ACSL3: variants seen among roughly 807,000 people sequenced by gnomAD.
ACSL3 encodes the protein acyl-CoA synthetase long chain family member 3.
ACSL3 carries 34 observed loss-of-function variants against 84.7 expected under a neutral mutation model. The ratio of observed to expected loss-of-function variants is 0.40; its 90% CI spans 0.31 to 0.53. The LOEUF (loss-of-function observed/expected upper bound fraction) is 0.53. Ranked by LOEUF, ACSL3 falls within the 20% of genes least tolerant of loss-of-function variation. The pLI is 0.48. For synonymous variants in ACSL3, 315 were observed against 299.4 expected (o/e 1.05, Z -0.54); for missense variants, 680 against 873.1 (o/e 0.78, Z 2.79).
chr2:222,909,198 T>C lies in ACSL3; in HGVS notation c.378+48T>C, dbSNP rs961120344. 1.9e-6 allele frequency: 3 copies of C among 1,548,354 alleles called. No individual in the cohort carries two copies. In the African/African-American group the frequency reaches 4.2e-5, roughly 22 times the overall value. ...TTGAATTCTTTCGAATAAAATATCC[T>C]GTTAGAAATGAAGTAAAGGGCAAGC... On this transcript the variant is annotated intron_variant, in intron 4 of 16. Coordinates refer to ENST00000357430, the MANE Select transcript of ACSL3 (RefSeq NM_004457.5).
At chr2:222,904,556 T>G (rs561373060) in intron 3 of ACSL3, 2 of 152,720 alleles carry the variant, frequency 1.3e-5, no homozygotes, top group East Asian at 3.9e-4. Context: ...CTGTTAAGGC[T>G]CTTGCTACAA....
chr2:222,892,171 C>CTAAA (rs1273445740), intron 2 of ACSL3, among the ~76,000 whole-genome samples: 7 of 152,124 alleles, frequency 4.6e-5, no homozygotes, highest in African/African-American at 1.7e-4. Context: ...TTTGTCTTTA[C>CTAAA]TAAATACATA....
At chr2:222,870,326 G>T (rs1256522819) in intron 1 of ACSL3, among the ~76,000 whole-genome samples, 1 of 152,052 alleles carries the variant, frequency 6.6e-6, no homozygotes, top group Admixed American at 6.6e-5. Flanking sequence ...AATTTAATGG[G>T]GTGTTTGCAT....
At chr2:222,882,158 T>C (rs548549101) in intron 1 of ACSL3, among the ~76,000 whole-genome samples, 2 of 152,338 alleles carry the variant, frequency 1.3e-5, no homozygotes, top group Non-Finnish European at 2.9e-5. Flanking sequence ...TATATGCACA[T>C]GATTGAGGAC....
intron 2 of ACSL3, among the ~76,000 whole-genome samples, chr2:222,890,491 T>A (rs1695817523): frequency 6.6e-6 from 1 of 152,230 alleles, no homozygotes; most frequent in Non-Finnish European, 1.5e-5. Context: ...CTGTCTTCTC[T>A]CAAATATGCA....
chr2:222,929,452 T>G (rs1362853226), intron 13 of ACSL3, among the ~76,000 whole-genome samples: 2 of 152,104 alleles, frequency 1.3e-5, no homozygotes, highest in Non-Finnish European at 2.9e-5. Context: ...TTATCTGTGT[T>G]TTATTGGGAT....
At chr2:222,874,185 G>A (rs1332111126) in intron 1 of ACSL3, among the ~76,000 whole-genome samples, 1 of 152,002 alleles carries the variant, frequency 6.6e-6, no homozygotes, top group Non-Finnish European at 1.5e-5. Context: ...ACCACACCCG[G>A]CTCATTTTTT....
intron 13 of ACSL3, among the ~76,000 whole-genome samples, chr2:222,929,765 G>A (rs1284409039): frequency 2.0e-5 from 3 of 151,592 alleles, no homozygotes; most frequent in South Asian, 2.1e-4. Flanking sequence ...GTGACAGAGC[G>A]AAACTCTCAT....
chr2:222,916,854 A>C (rs947800191), intron 5 of ACSL3, among the ~76,000 whole-genome samples: 2 of 152,176 alleles, frequency 1.3e-5, no homozygotes, highest in African/African-American at 4.8e-5. Flanking sequence ...GACCTCCGAA[A>C]CACTTCCATA....
intron 2 of ACSL3, among the ~76,000 whole-genome samples, chr2:222,888,278 T>A (rs1574528462): frequency 6.6e-6 from 1 of 152,340 alleles, no homozygotes; most frequent in East Asian, 1.9e-4. Flanking sequence ...TCAAGGGCTT[T>A]TTGTCAACCC....
chr2:222,864,524 G>A (rs1169046922), intron 1 of ACSL3, among the ~76,000 whole-genome samples: 1 of 151,906 alleles, frequency 6.6e-6, no homozygotes, highest in South Asian at 2.1e-4. Context: ...CAGTACTGTG[G>A]AATGCTCCTA....
Position 222,941,727 on chromosome 2 carries a change from A to C in ACSL3, c.*73A>C, listed in dbSNP as rs1456672047. ...GGAAAATACTTGAAATGCATGTCTC[A>C]AGCTGCAAGGCAAACTCCATTCCTC... On this transcript the variant is annotated 3_prime_UTR_variant, in exon 17 of 17. Coordinates refer to ENST00000357430, the MANE Select transcript of ACSL3 (RefSeq NM_004457.5). 8 of 1,471,482 alleles carry C rather than the reference A, an allele frequency of 5.4e-6. No homozygotes were observed. In the African/African-American group the frequency reaches 1.1e-4, roughly 21 times the overall value. 91.2% of individuals were successfully genotyped at this position (1,471,482 alleles called of 1,614,324 possible).
intron 1 of ACSL3, among the ~76,000 whole-genome samples, chr2:222,874,473 T>C (rs904111187): frequency 1.3e-5 from 2 of 152,134 alleles, no homozygotes; most frequent in Non-Finnish European, 2.9e-5. Context: ...GAAGGATCAC[T>C]TGCACCCAGG....
At chr2:222,922,909 G>A in intron 9 of ACSL3, 78 bp downstream of exon 9, 1 of 1,569,444 alleles carries the variant, frequency 6.4e-7, no homozygotes, top group Non-Finnish European at 8.7e-7. Flanking sequence ...CAGTATGACA[G>A]TATATTGCGA....
intron 1 of ACSL3, among the ~76,000 whole-genome samples, chr2:222,880,258 C>T (rs191731743): frequency 1.3e-5 from 2 of 152,122 alleles, no homozygotes; most frequent in Admixed American, 1.3e-4. Context: ...AAAACAAACA[C>T]GTAAGAAAAA....
chr2:222,880,143 A>G (rs367946797), intron 1 of ACSL3, among the ~76,000 whole-genome samples: 8 of 152,226 alleles, frequency 5.3e-5, no homozygotes, highest in African/African-American at 1.4e-4. Flanking sequence ...TGTATTAACA[A>G]TTCGTGTTTT....
chr2:222,916,738 A>ACC, intron 5 of ACSL3: 3 of 324,994 alleles, frequency 9.2e-6, no homozygotes, highest in Admixed American at 4.6e-5. Flanking sequence ...AGGTCTTGAG[A>ACC]ACTAGACCTA....
At chr2:222,924,005 A>G (rs1230365602) in intron 10 of ACSL3, among the ~76,000 whole-genome samples, 1 of 152,138 alleles carries the variant, frequency 6.6e-6, no homozygotes. Flanking sequence ...AAACTCCCAA[A>G]CGTTGCATGG....
rs1302847400 is a variant in ACSL3 at position 222,918,026 on chromosome 2, G to A, written c.557-20G>A. 1 of 1,531,690 alleles carries A rather than the reference G, an allele frequency of 6.5e-7. No individual in the cohort carries two copies. The highest frequency in any genetic ancestry group is 1.7e-5 in the Admixed American group (1 of 57,662). 94.9% of individuals were successfully genotyped at this position (1,531,690 alleles called of 1,614,324 possible). Reference sequence around the variant, plus strand: ...AGTTAAATGTTTGAATATTTGACTGGCTGCTGCTTTTCCTTTTAGTTGTTA... The same window carrying A: ...AGTTAAATGTTTGAATATTTGACTGACTGCTGCTTTTCCTTTTAGTTGTTA... On this transcript the variant is annotated intron_variant, in intron 5 of 16. Coordinates refer to ENST00000357430, the MANE Select transcript of ACSL3 (RefSeq NM_004457.5).
Sources: gnomAD v4.1 joint callset for allele counts (sites outside exome capture counted in the v4.1 genomes callset) on GRCh38, gnomAD v4.1.1 for gene constraint, MANE v1.5 for transcripts, NCBI Gene and HGNC (gene_info 2026-07-23, HGNC 2026-07-21) for gene names.